The following UBR2 variants were observed in gnomAD, a reference collection of about 807,000 sequenced individuals.
UBR2 encodes ubiquitin protein ligase E3 component n-recognin 2, also known as E3 ubiquitin-protein ligase UBR2.
UBR2 carries 92 observed loss-of-function variants against 247.9 expected under a neutral mutation model. The ratio of observed to expected loss-of-function variants is 0.37; its 90% CI spans 0.31 to 0.44. UBR2 has a LOEUF of 0.44. Among genes scored for constraint, UBR2 ranks in the 20% least tolerant of loss-of-function variants. The probability of loss-of-function intolerance (pLI) is 1.00; values close to 1 mark genes in which losing one functional copy is unlikely to be tolerated. For missense variants in UBR2, 1,613 were observed against 2,112.6 expected (o/e 0.76, Z 4.64); for synonymous variants, 672 against 693.5 (o/e 0.97, Z 0.49).
At position 42,616,106 on chromosome 6, in the gene UBR2, A is replaced by G; in HGVS notation, c.1182+16A>G. 2 of 1,582,068 alleles carry G rather than the reference A, an allele frequency of 1.3e-6. No individual in the cohort carries two copies. Among genetic ancestry groups the G allele is most frequent in the Non-Finnish European group, 1.7e-6 (2 of 1,161,824 alleles). On this transcript the variant is annotated intron_variant, in intron 10 of 46. Transcript: ENST00000372901. ...ATTTGCAAAAGTAAGTGGCTTTTCA[A>G]TTTTGAAAATAGGTTATATATAGAG...
chr6:42,587,121 A>C (rs1792338265), intron 2 of UBR2, among the ~76,000 whole-genome samples: 1 of 151,874 alleles, frequency 6.6e-6, no homozygotes, highest in African/African-American at 2.4e-5. Context: ...TGCCCGGCCA[A>C]AATGTTATAA....
At chr6:42,637,307 CATT>C (rs1370134137) in intron 15 of UBR2, 113 bp downstream of exon 15, 7 of 1,163,224 alleles carry the variant, frequency 6.0e-6, no homozygotes, top group South Asian at 3.2e-5. Context: ...ATTTCTACAT[CATT>C]AACTTATCCA....
intron 2 of UBR2, among the ~76,000 whole-genome samples, chr6:42,586,046 G>T (rs1582458070): frequency 6.6e-6 from 1 of 151,992 alleles, no homozygotes; most frequent in African/African-American, 2.4e-5. Context: ...CATTCTGTAT[G>T]GTTTCAGTTT....
rs755687793 is a variant in UBR2 at position 42,676,888 on chromosome 6, T to C, written c.4478+15T>C. 6.3e-7 allele frequency: 1 copy of C among 1,584,148 alleles called. No homozygotes were observed. Among genetic ancestry groups the C allele is most frequent in the East Asian group, 2.2e-5 (1 of 44,680 alleles). ...TATACGGGAAGGTGAGTTAGTTATC[T>C]TTACATAACGCATTTCCCTAAATAT... On this transcript the variant is annotated intron_variant, in intron 40 of 46. Coordinates refer to ENST00000372901, the MANE Select transcript of UBR2 (RefSeq NM_001363705.2).
chr6:42,571,424 G>A (rs1191724849), intron 1 of UBR2, among the ~76,000 whole-genome samples: 1 of 151,994 alleles, frequency 6.6e-6, no homozygotes, highest in African/African-American at 2.4e-5. Flanking sequence ...AACTTTCTAG[G>A]ATCATGGAGG....
At chr6:42,629,829 T>C (rs932733966) in intron 11 of UBR2, among the ~76,000 whole-genome samples, 45 of 152,204 alleles carry the variant, frequency 3.0e-4, no homozygotes, top group African/African-American at 1.1e-3. Flanking sequence ...ATTTTTCTTT[T>C]CTGTTTGTAA....
intron 11 of UBR2, among the ~76,000 whole-genome samples, chr6:42,623,999 TTTTC>T (rs1795168288): frequency 6.6e-6 from 1 of 152,202 alleles, no homozygotes; most frequent in Admixed American, 6.5e-5. Context: ...TAAGTGATAA[TTTTC>T]TTTCCTTGTT....
chr6:42,592,076 C>T (rs1188716282), intron 2 of UBR2, 75 bp from the exon 3 acceptor site: 7 of 1,381,838 alleles, frequency 5.1e-6, no homozygotes, highest in South Asian at 1.3e-5. Flanking sequence ...AGGATGGATT[C>T]CAATTTGAAA....
intron 2 of UBR2, among the ~76,000 whole-genome samples, chr6:42,585,208 A>T (rs1792175843): frequency 6.6e-6 from 1 of 152,158 alleles, no homozygotes; most frequent in South Asian, 2.1e-4. Context: ...TGAGATGATC[A>T]TAGTTTTTCT....
chr6:42,564,363 G>A lies in UBR2; in HGVS notation c.44G>A (p.Ser15Asn). 5 of 1,612,232 alleles carry A rather than the reference G, an allele frequency of 3.1e-6. No individual in the cohort carries two copies. Among genetic ancestry groups the A allele is most frequent in the Non-Finnish European group, 4.2e-6 (5 of 1,179,274 alleles). The change falls in exon 1 of 47, where the codon AGC becomes AAC. Residue 15 changes from serine to asparagine, a missense_variant. Physicochemically the swap from Ser to Asn is conservative, Grantham distance 46. This residue lies in a region of UBR2 where 1,524 missense variants were observed against 1,967.3 expected (regional missense o/e 0.77). Transcript: ENST00000372901. ...CCAGAGGTGCAGGCCATCGACCGGA[G>A]CTTGCTGGAATGTTCGGCCGAGGAG... is the stretch of plus-strand genomic sequence containing the variant. ...LEPEVQAIDR[S>N]LLECSAEEIA...
intron 22 of UBR2, among the ~76,000 whole-genome samples, chr6:42,649,671 A>G (rs996515629): frequency 3.9e-5 from 6 of 151,998 alleles, no homozygotes; most frequent in Middle Eastern, 3.2e-3. Flanking sequence ...TCATGTGTTT[A>G]TTGGCCGTTT....
chr6:42,628,415 T>C (rs963549563), intron 11 of UBR2, among the ~76,000 whole-genome samples: 3 of 148,332 alleles, frequency 2.0e-5, no homozygotes, highest in African/African-American at 7.9e-5. Flanking sequence ...AGTCTTCATT[T>C]TTAGTTTGGT....
chr6:42,691,351 C>A lies in UBR2; in HGVS notation c.*178C>A. ...CATCTTCCATCAGCAGATTTTCTTGCACTGTTTGCTGTGCCCCTCAAATAT... is the reference window on the plus strand; with the variant it reads ...CATCTTCCATCAGCAGATTTTCTTGAACTGTTTGCTGTGCCCCTCAAATAT... On this transcript the variant is annotated 3_prime_UTR_variant, in exon 47 of 47. Coordinates refer to ENST00000372901, the MANE Select transcript of UBR2 (RefSeq NM_001363705.2). The A allele has an allele frequency of 1.2e-6, 1 of 817,612 alleles. No homozygotes were observed. Among genetic ancestry groups the A allele is most frequent in the Non-Finnish European group, 1.9e-6 (1 of 534,208 alleles). 50.6% of individuals were successfully genotyped at this position (817,612 alleles called of 1,614,324 possible). A position where few individuals can be genotyped will look rare whatever the true frequency, so the allele number is the denominator to read the frequency against.
At chr6:42,684,663 G>A (rs1799268504) in intron 43 of UBR2, 131 bp from the exon 44 acceptor site, 1 of 483,852 alleles carries the variant, frequency 2.1e-6, no homozygotes, top group Non-Finnish European at 3.6e-6. Context: ...TTCTTGTCTT[G>A]GCAATAGGTA....
intron 5 of UBR2, 39 bp downstream of exon 5, chr6:42,603,757 G>A (rs1341333240): frequency 6.4e-7 from 1 of 1,551,274 alleles, no homozygotes; most frequent in Non-Finnish European, 8.6e-7. Flanking sequence ...ATGAAGAACT[G>A]CTAAATTTTA....
Position 42,659,877 on chromosome 6 carries a change from AT to A in UBR2, c.3442+23del. 1 of 1,608,012 alleles carries A rather than the reference AT, an allele frequency of 6.2e-7. No homozygotes were observed. Among genetic ancestry groups the A allele is most frequent in the Non-Finnish European group, 8.5e-7 (1 of 1,175,328 alleles). ...CCAGGTAAGTCATAGCTAGATCCTC[AT>A]CTTCCCTTTTAATAACAACTGCCAG... On this transcript the variant is annotated intron_variant, in intron 30 of 46. Coordinates refer to ENST00000372901, the MANE Select transcript of UBR2 (RefSeq NM_001363705.2). This position sits in a 1 kb window ranked among gnomAD's most constrained non-coding sequence, Gnocchi z 4.3.
At chr6:42,567,529 G>A (rs1412148907) in intron 1 of UBR2, among the ~76,000 whole-genome samples, 2 of 152,158 alleles carry the variant, frequency 1.3e-5, no homozygotes, top group African/African-American at 2.4e-5. Flanking sequence ...AAGAGATAGA[G>A]ACCATCCTGG....
At chr6:42,598,566 T>A (rs1350060735) in intron 4 of UBR2, among the ~76,000 whole-genome samples, 1 of 152,154 alleles carries the variant, frequency 6.6e-6, no homozygotes, top group East Asian at 1.9e-4. Context: ...AAATGGCCCC[T>A]TGGGGTGTGG....
intron 11 of UBR2, among the ~76,000 whole-genome samples, chr6:42,626,465 G>A (rs1795355212): frequency 6.6e-6 from 1 of 152,164 alleles, no homozygotes. Flanking sequence ...TCTTTTTACG[G>A]CTTCTCTTGT....
Sources: gnomAD v4.1 joint callset for allele counts (sites outside exome capture counted in the v4.1 genomes callset) on GRCh38, gnomAD v4.1.1 for gene constraint, gnomAD v4.1.1 regional missense constraint, Gnocchi (gnomAD v3.1) non-coding constraint, MANE v1.5 for transcripts, NCBI Gene and HGNC (gene_info 2026-07-23, HGNC 2026-07-21) for gene names.